Variants in GNG7 observed in about 807,000 individuals in gnomAD.
GNG7 encodes the protein guanine nucleotide-binding protein G(I)/G(S)/G(O) subunit gamma-7.
A neutral mutation model predicts 4.0 loss-of-function variants in GNG7; 1 was observed. The ratio of observed to expected loss-of-function variants is 0.25; its 90% confidence interval spans 0.09 to 1.18. The LOEUF is 1.18. Among genes scored for constraint, GNG7 ranks in the 50% most tolerant of loss-of-function variants. GNG7 has a pLI of 0.50. For synonymous variants in GNG7, 34 were observed against 36.9 expected (o/e 0.92, Z 0.29); for missense variants, 86 against 91.9 (o/e 0.94, Z 0.26).
chr19:2,649,407 T>TTATTATTATTATTATTAC, intron 1 of GNG7, among the ~76,000 whole-genome samples: 1 of 151,272 alleles, frequency 6.6e-6, no homozygotes, highest in Non-Finnish European at 1.5e-5. Flanking sequence ...ATTATTATTA[T>TTATTATTATTATTATTAC]TACTTTTTGA....
chr19:2,602,893 C>CTT (rs1249994826), intron 2 of GNG7, among the ~76,000 whole-genome samples: 26 of 76,960 alleles, frequency 3.4e-4, no homozygotes, highest in Non-Finnish European at 4.7e-4. Context: ...CTTTCTTTTT[C>CTT]TCTTTTTCTT....
chr19:2,699,365 TC>T (rs1913345868), intron 1 of GNG7, among the ~76,000 whole-genome samples: 1 of 152,096 alleles, frequency 6.6e-6, no homozygotes, highest in Non-Finnish European at 1.5e-5. Flanking sequence ...GCCAGGATGG[TC>T]TTGAATTCCT....
rs137992761 is a variant in GNG7 at position 2,557,967 on chromosome 19, A to C, written c.-77-2779T>G. Reference sequence around the variant, plus strand: ...AGCGACTCTCCTGCCTCAGCCTCTCAAGTAGCTGGGACTACAGGCACGGGC... The same window carrying C: ...AGCGACTCTCCTGCCTCAGCCTCTCCAGTAGCTGGGACTACAGGCACGGGC... On this transcript the variant is annotated intron_variant, in intron 2 of 4. Coordinates refer to ENST00000382159, the MANE Select transcript of GNG7 (RefSeq NM_052847.3). The surrounding 1 kb of genome is among the most constrained non-coding windows in gnomAD (Gnocchi z 5.1). 4.3e-3 allele frequency among the ~76,000 whole-genome samples: 646 copies of C among 151,978 alleles called. 3 individuals carry two copies. The highest frequency in any genetic ancestry group is 0.015 in the African/African-American group (603 of 41,436).
At chr19:2,696,074 T>C (rs1383121015) in intron 1 of GNG7, among the ~76,000 whole-genome samples, 28 of 151,010 alleles carry the variant, frequency 1.9e-4, no homozygotes, top group African/African-American at 5.4e-4. Flanking sequence ...GGAGAATCAC[T>C]GGAACCTGGG....
At chr19:2,569,203 A>C (rs1442010351) in intron 2 of GNG7, among the ~76,000 whole-genome samples, 1 of 152,180 alleles carries the variant, frequency 6.6e-6, no homozygotes, top group East Asian at 1.9e-4. Flanking sequence ...CAGTTCCACA[A>C]AGGGTGCAGC....
At chr19:2,583,905 A>T (rs1980570339) in intron 2 of GNG7, among the ~76,000 whole-genome samples, 1 of 152,202 alleles carries the variant, frequency 6.6e-6, no homozygotes, top group Non-Finnish European at 1.5e-5. Context: ...AATTAAAAAA[A>T]ACAGATTAAA....
At position 2,617,106 on chromosome 19, in the gene GNG7, C is replaced by T. The variant is rs943890082; in HGVS notation, c.-78+29118G>A. Among the ~76,000 whole-genome samples, 6 of 152,334 alleles carry T rather than the reference C, an allele frequency of 3.9e-5. No homozygotes were observed. Among genetic ancestry groups the T allele is most frequent in the South Asian group, 4.1e-4 (2 of 4,828 alleles). On this transcript the variant is annotated intron_variant, in intron 2 of 4. Coordinates refer to ENST00000382159, the MANE Select transcript of GNG7 (RefSeq NM_052847.3). This position sits in a 1 kb window ranked among gnomAD's most constrained non-coding sequence, Gnocchi z 4.7. ...ATTACATTCCGTTAACCCAAAGTCT[C>T]TGACGTTCAGGGCTGGATCATTCTC...
intron 2 of GNG7, among the ~76,000 whole-genome samples, chr19:2,559,942 G>A (rs1280648129): frequency 6.6e-6 from 1 of 152,028 alleles, no homozygotes. Context: ...CACGAGAAGG[G>A]GCCTCAGCAC....
In GNG7 at chr19:2,637,060, C is replaced by T. The variant is rs115942192; in HGVS notation, c.-78+9164G>A. 2.8e-3 allele frequency among the ~76,000 whole-genome samples: 422 copies of T among 152,098 alleles called. 1 individual carries two copies. The highest frequency in any genetic ancestry group is 9.7e-3 in the African/African-American group (403 of 41,490). ...CACCCACCTGCACACCCACTGCACCCCCGTCCCTACCTGCACCCCCCGCAT... is the reference window on the plus strand; with the variant it reads ...CACCCACCTGCACACCCACTGCACCTCCGTCCCTACCTGCACCCCCCGCAT... On this transcript the variant is annotated intron_variant, in intron 2 of 4. Transcript: ENST00000382159.
intron 2 of GNG7, among the ~76,000 whole-genome samples, chr19:2,616,377 T>TG (rs1439853006): frequency 1.3e-5 from 2 of 151,940 alleles, no homozygotes; most frequent in Admixed American, 1.3e-4. Flanking sequence ...CCCGAGTAGC[T>TG]GGGATTACAG....
intron 3 of GNG7, among the ~76,000 whole-genome samples, chr19:2,542,718 G>A (rs2144749118): frequency 6.6e-6 from 1 of 152,224 alleles, no homozygotes; most frequent in East Asian, 1.9e-4. Context: ...TGATACGCAA[G>A]GCCAGGATGG....
At chr19:2,644,074 G>A (rs1982592162) in intron 2 of GNG7, among the ~76,000 whole-genome samples, 1 of 151,868 alleles carries the variant, frequency 6.6e-6, no homozygotes, top group Non-Finnish European at 1.5e-5. Context: ...AGGCTGGAGT[G>A]CAGTGGCGCA....
At chr19:2,661,360 G>GAAAGAAAGAAAGAAAGAAAGAAAT (rs1568277903) in intron 1 of GNG7, among the ~76,000 whole-genome samples, 1 of 150,958 alleles carries the variant, frequency 6.6e-6, no homozygotes, top group Admixed American at 6.6e-5. Context: ...AAGAAAGAAA[G>GAAAGAAAGAAAGAAAGAAAGAAAT]AAATGGGCCC....
rs552810001 is a variant in GNG7 at position 2,539,440 on chromosome 19, G to A, written c.-38+15709C>T. The stretch of plus-strand genomic sequence containing the variant: ...CTGCCTCAGCCTCCCGAGCAGCTGG[G>A]ATTACAGGTGTCCGCCACCACGCCT... On this transcript the variant is annotated intron_variant, in intron 3 of 4. Coordinates refer to ENST00000382159, the MANE Select transcript of GNG7 (RefSeq NM_052847.3). Among the ~76,000 whole-genome samples the A allele has an allele frequency of 1.3e-3, 201 of 151,996 alleles. 1 individual carries two copies. The highest frequency in any genetic ancestry group is 4.7e-3 in the African/African-American group (193 of 41,422).
chr19:2,597,492 G>A (rs1981057940), intron 2 of GNG7, among the ~76,000 whole-genome samples: 1 of 151,902 alleles, frequency 6.6e-6, no homozygotes, highest in Non-Finnish European at 1.5e-5. Flanking sequence ...AGCTACTCAG[G>A]AGGCTGAGGC....
chr19:2,641,533 T>C (rs949315574), intron 2 of GNG7, among the ~76,000 whole-genome samples: 9 of 152,188 alleles, frequency 5.9e-5, no homozygotes, highest in Admixed American at 5.2e-4. Flanking sequence ...CCAAGGGATG[T>C]GGGTGCCTCT....
chr19:2,550,846 C>T (rs1338133408), intron 3 of GNG7, among the ~76,000 whole-genome samples: 3 of 152,224 alleles, frequency 2.0e-5, no homozygotes, highest in African/African-American at 4.8e-5. Flanking sequence ...GCAGGGGGCA[C>T]GGGAGAGGTA....
chr19:2,545,989 G>A (rs1426678952), intron 3 of GNG7, among the ~76,000 whole-genome samples: 1 of 142,226 alleles, frequency 7.0e-6, no homozygotes, highest in Non-Finnish European at 1.6e-5. Context: ...ACAAACAAAC[G>A]AAAAAGAAAG....
intron 1 of GNG7, among the ~76,000 whole-genome samples, chr19:2,698,366 C>G (rs1280690477): frequency 6.6e-6 from 1 of 151,996 alleles, no homozygotes; most frequent in Non-Finnish European, 1.5e-5. Flanking sequence ...GAGTTTGAGA[C>G]CAGCCTGGGC....
Sources: gnomAD v4.1 joint callset for allele counts (sites outside exome capture counted in the v4.1 genomes callset) on GRCh38, gnomAD v4.1.1 for gene constraint, Gnocchi (gnomAD v3.1) non-coding constraint, MANE v1.5 for transcripts, NCBI Gene and HGNC (gene_info 2026-07-23, HGNC 2026-07-21) for gene names.